NFAM1: variants seen among roughly 807,000 people sequenced by gnomAD.
The protein encoded by NFAM1 is NFAT activation molecule 1.
Under a neutral mutation model 29.0 loss-of-function variants are expected in NFAM1, and 17 were observed. The ratio of observed to expected loss-of-function variants is 0.59; its 90% CI spans 0.40 to 0.88. The LOEUF is 0.88. NFAM1 is among the 40% of genes least tolerant of loss of function. The pLI is 0.00. For missense variants in NFAM1, 324 were observed against 344.6 expected (o/e 0.94, Z 0.47); for synonymous variants, 175 against 147.2 (o/e 1.19, Z -1.36).
intron 1 of NFAM1, among the ~76,000 whole-genome samples, chr22:42,420,746 T>G (rs1372569689): frequency 6.7e-6 from 1 of 150,308 alleles, no homozygotes; most frequent in Non-Finnish European, 1.5e-5. Context: ...CTCCAGCCTG[T>G]GTGACAGAGC....
At position 42,432,309 on chromosome 22, in the gene NFAM1, G is replaced by A. The variant is rs771852404; in HGVS notation, c.49C>T (p.Pro17Ser). The change falls in exon 1 of 6, where the codon CCT becomes TCT. Residue 17 changes from proline to serine, a missense_variant. Physicochemically the swap from Pro to Ser is moderately conservative, Grantham distance 74 (BLOSUM62 -1). Coordinates refer to ENST00000329021, the MANE Select transcript of NFAM1 (RefSeq NM_145912.8). ...RWRALPGLPRPPGLPAAPWLL... is the reference protein window; with the variant it reads ...RWRALPGLPRSPGLPAAPWLL... ...CAGGGGGCTGCGGGGAGCCCAGGAG[G>A]GCGTGGGAGGCCTGGCAGGGCCCGC... is the stretch of plus-strand genomic sequence containing the variant. The A allele has an allele frequency of 1.9e-6, 3 of 1,575,770 alleles. No individual in the cohort carries two copies. Among genetic ancestry groups the A allele is most frequent in the South Asian group, 2.3e-5 (2 of 86,240 alleles).
In NFAM1 at chr22:42,384,803, C is replaced by A; in HGVS notation, c.*358G>T. 2.9e-6 allele frequency: 1 copy of A among 344,492 alleles called. No individual in the cohort carries two copies. The highest frequency in any genetic ancestry group is 5.5e-6 in the Non-Finnish European group (1 of 181,314). 21.3% of individuals were successfully genotyped at this position (344,492 alleles called of 1,614,324 possible). On this transcript the variant is annotated 3_prime_UTR_variant, in exon 6 of 6. Transcript: ENST00000329021. ...CTACTGGCTGAGGTGCAGGCTGGTGCCAAGAGAGCATGCTGCTCTGTCAGC... is the reference window on the plus strand; with the variant it reads ...CTACTGGCTGAGGTGCAGGCTGGTGACAAGAGAGCATGCTGCTCTGTCAGC...
chr22:42,410,699 T>C (rs1469234838), intron 2 of NFAM1, among the ~76,000 whole-genome samples: 1 of 149,884 alleles, frequency 6.7e-6, no homozygotes, highest in Non-Finnish European at 1.5e-5. Flanking sequence ...AAACTAAAGA[T>C]CTGTCTCTGG....
chr22:42,391,601 T>C (rs950748330), intron 4 of NFAM1, among the ~76,000 whole-genome samples: 12 of 151,870 alleles, frequency 7.9e-5, no homozygotes, highest in Admixed American at 5.2e-4. Flanking sequence ...ACGGGAAGGA[T>C]GGAGCAGCGA....
chr22:42,398,759 G>A (rs1348762224), intron 3 of NFAM1, among the ~76,000 whole-genome samples: 11 of 152,144 alleles, frequency 7.2e-5, no homozygotes, highest in Admixed American at 7.2e-4. Context: ...TGAGACTGAT[G>A]CAAAGTTACA....
At chr22:42,398,386 TTATTATTATTATTATTA>T (rs1569228018) in intron 3 of NFAM1, among the ~76,000 whole-genome samples, 6 of 94,826 alleles carry the variant, frequency 6.3e-5, no homozygotes, top group Admixed American at 1.9e-4. Flanking sequence ...GTTTTATTTA[TTATTATTATTATTATTA>T]TTATTATTAT....
At chr22:42,418,983 G>C (rs138428657) in intron 1 of NFAM1, among the ~76,000 whole-genome samples, 2 of 152,278 alleles carry the variant, frequency 1.3e-5, no homozygotes, top group South Asian at 2.1e-4. Context: ...AACCGCCCAC[G>C]GGTGCCTGAG....
chr22:42,417,461 G>A (rs764517913), intron 1 of NFAM1, among the ~76,000 whole-genome samples: 5 of 152,178 alleles, frequency 3.3e-5, no homozygotes, highest in East Asian at 1.9e-4. Flanking sequence ...GGGAGGAAAC[G>A]TCTCAAGGAG....
chr22:42,385,560 G>A (rs1473532763), intron 5 of NFAM1, among the ~76,000 whole-genome samples: 4 of 152,044 alleles, frequency 2.6e-5, no homozygotes, highest in East Asian at 3.9e-4. Context: ...CTCTGCCTGC[G>A]GGCTCATCAT....
In NFAM1 at chr22:42,411,560, G is replaced by A. The variant is rs1299617958; in HGVS notation, c.298C>T (p.His100Tyr). The A allele has an allele frequency of 6.2e-7, 1 of 1,614,242 alleles. No individual in the cohort carries two copies. The highest frequency in any genetic ancestry group is 1.1e-5 in the South Asian group (1 of 91,090). Residue 100 changes from histidine to tyrosine, a missense_variant, in exon 2 of 6, where the codon CAC (histidine) becomes TAC (tyrosine). His to Tyr is a moderately conservative substitution (Grantham distance 83). Transcript: ENST00000329021. ...QRSPKKPTNC[H>Y]PGLGTENQSH... is the part of the protein sequence containing the mutation. Reference sequence around the variant, plus strand: ...TGGTTCTCTGTGCCCAGTCCAGGGTGGCAGTTTGTTGGCTTCTTAGGGCTC... The same window carrying A: ...TGGTTCTCTGTGCCCAGTCCAGGGTAGCAGTTTGTTGGCTTCTTAGGGCTC...
intron 3 of NFAM1, among the ~76,000 whole-genome samples, chr22:42,399,340 G>A (rs562842944): frequency 6.6e-6 from 1 of 151,828 alleles, no homozygotes; most frequent in Non-Finnish European, 1.5e-5. Context: ...CCAGCTACTC[G>A]GGAGGGTGAG....
chr22:42,391,945 C>CAAAA (rs58006775), intron 4 of NFAM1, among the ~76,000 whole-genome samples: 4 of 68,940 alleles, frequency 5.8e-5, no homozygotes, highest in African/African-American at 2.1e-4. Flanking sequence ...GACTCTGTCT[C>CAAAA]AAAAAAAAAA....
intron 1 of NFAM1, among the ~76,000 whole-genome samples, chr22:42,412,697 C>T (rs1227494064): frequency 3.3e-5 from 5 of 152,324 alleles, no homozygotes; most frequent in South Asian, 4.1e-4. Flanking sequence ...CAGTTCTCCC[C>T]GTGCCAAAGT....
intron 1 of NFAM1, among the ~76,000 whole-genome samples, chr22:42,416,532 A>G (rs1211087731): frequency 1.3e-5 from 2 of 152,208 alleles, no homozygotes; most frequent in Non-Finnish European, 2.9e-5. Flanking sequence ...TGGGCCTCAC[A>G]AATTTTCACC....
intron 1 of NFAM1, among the ~76,000 whole-genome samples, chr22:42,431,538 C>A (rs1046221843): frequency 3.7e-4 from 56 of 152,268 alleles, no homozygotes; most frequent in African/African-American, 1.3e-3. Context: ...CTGGGCCGTC[C>A]CTGGCCTGAT....
At chr22:42,401,335 C>G (rs528402126) in intron 3 of NFAM1, among the ~76,000 whole-genome samples, 1 of 152,320 alleles carries the variant, frequency 6.6e-6, no homozygotes, top group East Asian at 1.9e-4. Context: ...CAGGCTGGCA[C>G]GGGTGGGGCC....
chr22:42,400,412 G>A (rs941396551), intron 3 of NFAM1, among the ~76,000 whole-genome samples: 4 of 152,160 alleles, frequency 2.6e-5, no homozygotes, highest in African/African-American at 4.8e-5. Flanking sequence ...GAGGTCGGGA[G>A]TTCGAGACCA....
intron 1 of NFAM1, among the ~76,000 whole-genome samples, chr22:42,418,126 G>C (rs1601756196): frequency 6.6e-6 from 1 of 152,224 alleles, no homozygotes; most frequent in Non-Finnish European, 1.5e-5. Flanking sequence ...TAGGGGCGAT[G>C]AGCGGGGGCG....
intron 4 of NFAM1, among the ~76,000 whole-genome samples, chr22:42,393,331 A>C (rs904707039): frequency 5.3e-5 from 8 of 152,204 alleles, no homozygotes; most frequent in African/African-American, 1.9e-4. Flanking sequence ...TAGAAAGAGC[A>C]CTTGAACCCA....
Sources: allele counts gnomAD v4.1 joint callset (sites outside exome capture counted in the v4.1 genomes callset), GRCh38; gene constraint gnomAD v4.1.1; transcripts MANE v1.5; gene names NCBI Gene and HGNC (gene_info 2026-07-23, HGNC 2026-07-21).